The following GLYATL1 variants were observed in gnomAD, a reference collection of about 807,000 sequenced individuals.
The protein encoded by GLYATL1 is glycine N-acyltransferase-like protein 1.
A neutral mutation model predicts 20.0 loss-of-function variants in GLYATL1; 15 were observed. The ratio of observed to expected loss-of-function variants is 0.75; its 90% confidence interval spans 0.50 to 1.15. GLYATL1 has a LOEUF of 1.15. Ranked by LOEUF, GLYATL1 falls within the 50% of genes most tolerant of loss-of-function variation. The probability of loss-of-function intolerance (pLI) is 0.00; values close to 1 mark genes in which losing one functional copy is unlikely to be tolerated. For synonymous variants in GLYATL1, 151 were observed against 131.5 expected (o/e 1.15, Z -1.01); for missense variants, 380 against 368.5 (o/e 1.03, Z -0.26).
chr11:58,923,705 T>C (rs1026970433), upstream of GLYATL1, among the ~76,000 whole-genome samples: 3 of 152,294 alleles, frequency 2.0e-5, no homozygotes, highest in Non-Finnish European at 4.4e-5. Flanking sequence ...CTTGCCAGCC[T>C]GCCCCTCCCC....
In GLYATL1 at chr11:58,947,061, G is replaced by A; in HGVS notation, c.-27G>A. The stretch of plus-strand genomic sequence containing the variant: ...ATCTTTTCAGAGTTTCTTCTTCAAG[G>A]TCTCAAGGTCTGAAGCATCCCACAG... On this transcript the variant is annotated 5_prime_UTR_variant, in exon 3 of 7. Transcript: ENST00000532726. 6 of 1,612,560 alleles carry A rather than the reference G, an allele frequency of 3.7e-6. No individual in the cohort carries two copies. The highest frequency in any genetic ancestry group is 5.1e-6 in the Non-Finnish European group (6 of 1,178,702).
intron 4 of GLYATL1, among the ~76,000 whole-genome samples, chr11:58,948,864 C>T (rs573076287): frequency 2.0e-5 from 3 of 152,176 alleles, no homozygotes; most frequent in Admixed American, 2.0e-4. Flanking sequence ...AAAGCATTGC[C>T]CAGTCTGAAT....
chr11:58,919,440 G>A (rs1266294613), intron 1 of GLYATL1, among the ~76,000 whole-genome samples: 3 of 152,188 alleles, frequency 2.0e-5, no homozygotes, highest in African/African-American at 7.2e-5. Flanking sequence ...GTGGCCGGTA[G>A]GCTGTGTGTA....
chr11:58,914,826 G>T (rs1181058975), intron 1 of GLYATL1, among the ~76,000 whole-genome samples: 1 of 152,184 alleles, frequency 6.6e-6, no homozygotes, highest in Non-Finnish European at 1.5e-5. Flanking sequence ...GGCAAGTCCT[G>T]TCCCTACTCT....
rs182161394 is a variant in GLYATL1, at chr11:58,917,355, C to T, written n.264+11694C>T. 9.8e-5 allele frequency: 15 copies of T among 152,314 alleles called. No individual in the cohort carries two copies. In the East Asian group the frequency reaches 2.9e-3, roughly 29 times the overall value. The allele number at this position is 152,314 out of a possible 1,614,324, so 9.4% of individuals were successfully genotyped here. The stretch of plus-strand genomic sequence containing the variant: ...AGGATTTTTACTGAGTGCACTCAGA[C>T]CCAGCAGATTAACAGCCAAACACTG... On this transcript the variant is annotated intron_variant and non_coding_transcript_variant, in intron 1 of 2. Transcript: ENST00000534674.
chr11:58,931,500 G>GCAT (rs1233094760), intron 1 of GLYATL1, among the ~76,000 whole-genome samples: 3 of 152,152 alleles, frequency 2.0e-5, no homozygotes, highest in African/African-American at 7.2e-5. Context: ...AATTCAGTCA[G>GCAT]CATCACTGGA....
chr11:58,955,375 A>G (rs777534010), intron 6 of GLYATL1, 22 bp downstream of exon 6: 3 of 1,595,102 alleles, frequency 1.9e-6, no homozygotes, highest in Non-Finnish European at 1.7e-6. Flanking sequence ...TGTGCTGATC[A>G]TTTATAATTG....
chr11:58,931,817 G>C (rs1309654759), intron 1 of GLYATL1, among the ~76,000 whole-genome samples: 3 of 151,968 alleles, frequency 2.0e-5, no homozygotes, highest in African/African-American at 7.2e-5. Context: ...ATTACTTCTA[G>C]AATTAATACT....
At chr11:58,915,320 C>T (rs939148701) in intron 1 of GLYATL1, among the ~76,000 whole-genome samples, 4 of 152,184 alleles carry the variant, frequency 2.6e-5, no homozygotes, top group Non-Finnish European at 5.9e-5. Context: ...AAGTCCATCC[C>T]ACAGAGTTTT....
upstream of GLYATL1, among the ~76,000 whole-genome samples, chr11:58,937,105 T>G (rs1855870586): frequency 6.6e-6 from 1 of 152,264 alleles, no homozygotes; most frequent in African/African-American, 2.4e-5. Context: ...CTGTGTTTAC[T>G]TGGCTCTTCT....
exon 2 of GLYATL1, chr11:58,907,825 T>A (rs1425596785): frequency 5.5e-6 from 1 of 181,700 alleles, no homozygotes; most frequent in Non-Finnish European, 1.2e-5. Flanking sequence ...TTGCATTTAT[T>A]TGTTAGGTGG....
At chr11:58,909,784 G>A (rs1270136773), downstream of GLYATL1, among the ~76,000 whole-genome samples, 2 of 152,032 alleles carry the variant, frequency 1.3e-5, no homozygotes, top group Non-Finnish European at 2.9e-5. Flanking sequence ...CCATATTGCT[G>A]GTAAAAATAT....
chr11:58,930,979 A>T (rs965190357), intron 1 of GLYATL1, among the ~76,000 whole-genome samples: 32 of 152,224 alleles, frequency 2.1e-4, no homozygotes, highest in African/African-American at 7.0e-4. Flanking sequence ...TGATTAGATC[A>T]TGAGGGCTCT....
chr11:58,943,143 C>A, intron 1 of GLYATL1: 1 of 918,008 alleles, frequency 1.1e-6, no homozygotes. Context: ...CTGAGAAGGA[C>A]TCTGTACTTC....
intron 1 of GLYATL1, among the ~76,000 whole-genome samples, chr11:58,917,639 T>C (rs1207674943): frequency 6.6e-6 from 1 of 152,236 alleles, no homozygotes; most frequent in Non-Finnish European, 1.5e-5. Context: ...GGTGCCTAGA[T>C]GGCTGCAGTC....
At chr11:58,911,855 C>T (rs774029832), downstream of GLYATL1, among the ~76,000 whole-genome samples, 4 of 152,262 alleles carry the variant, frequency 2.6e-5, no homozygotes, top group East Asian at 1.9e-4. Context: ...TTTCTCTTTG[C>T]GGATCATGCT....
intron 1 of GLYATL1, among the ~76,000 whole-genome samples, chr11:58,920,883 T>C (rs1590770715): frequency 6.6e-6 from 1 of 152,296 alleles, no homozygotes; most frequent in African/African-American, 2.4e-5. Flanking sequence ...AAGTAGGCCA[T>C]CCAAGCACCA....
intron 2 of GLYATL1, among the ~76,000 whole-genome samples, chr11:58,945,055 A>ATG (rs1447123524): frequency 1.4e-5 from 2 of 147,230 alleles, no homozygotes; most frequent in East Asian, 2.0e-4. Flanking sequence ...GGGTATATAT[A>ATG]TATATACCCC....
rs1454177507 is a variant in GLYATL1 at position 58,947,671 on chromosome 11, T to C, written c.79-187T>C. The C allele has an allele frequency of 1.0e-5, 6 of 581,028 alleles. No homozygotes were observed. In the Admixed American group the frequency reaches 1.8e-4, roughly 17 times the overall value. 36.0% of individuals were successfully genotyped at this position (581,028 alleles called of 1,614,324 possible). On this transcript the variant is annotated intron_variant, in intron 3 of 6. Transcript: ENST00000532726. ...CACAAGGACAGTCCTACCTGTGAGTTCTGCCTGCTTGCTGGTAACTTCACG... is the reference window on the plus strand; with the variant it reads ...CACAAGGACAGTCCTACCTGTGAGTCCTGCCTGCTTGCTGGTAACTTCACG...
Sources: allele counts gnomAD v4.1 joint callset (sites outside exome capture counted in the v4.1 genomes callset), GRCh38; gene constraint gnomAD v4.1.1; transcripts MANE v1.5; gene names NCBI Gene and HGNC (gene_info 2026-07-23, HGNC 2026-07-21).